TMEM108: variants seen among roughly 807,000 people sequenced by gnomAD.
The protein encoded by TMEM108 is cancer/testis antigen 124.
TMEM108 carries 12 observed loss-of-function variants against 35.1 expected under a neutral mutation model. The ratio of observed to expected loss-of-function variants is 0.34; its 90% CI spans 0.22 to 0.55. The LOEUF (loss-of-function observed/expected upper bound fraction) is 0.55. Among genes scored for constraint, TMEM108 ranks in the 20% least tolerant of loss-of-function variants. TMEM108 has a pLI of 0.89. For missense variants in TMEM108, 680 were observed against 753.3 expected (o/e 0.90, Z 1.14); for synonymous variants, 287 against 308.6 (o/e 0.93, Z 0.73).
At chr3:133,305,710 A>G (rs2071024594) in intron 3 of TMEM108, among the ~76,000 whole-genome samples, 2 of 152,056 alleles carry the variant, frequency 1.3e-5, no homozygotes, top group South Asian at 2.1e-4. Flanking sequence ...CCCATCAGCA[A>G]TATATAAATA....
At chr3:133,283,298 T>G (rs1342313830) in intron 3 of TMEM108, among the ~76,000 whole-genome samples, 1 of 152,186 alleles carries the variant, frequency 6.6e-6, no homozygotes, top group East Asian at 1.9e-4. Context: ...TGTGGTAATC[T>G]TTCTGATTAT....
At chr3:133,310,465 T>C (rs2071110238) in intron 3 of TMEM108, among the ~76,000 whole-genome samples, 1 of 151,942 alleles carries the variant, frequency 6.6e-6, no homozygotes, top group African/African-American at 2.4e-5. Context: ...AATGGCCTTC[T>C]TTGTCTCTTT....
In TMEM108 at chr3:133,219,913, G is replaced by A. The variant is rs1316958463; in HGVS notation, c.-46-9353G>A. Among the ~76,000 whole-genome samples the A allele has an allele frequency of 2.6e-5, 4 of 152,056 alleles. No homozygotes were observed. In the East Asian group the frequency reaches 7.7e-4, roughly 29 times the overall value. On this transcript the variant is annotated intron_variant, in intron 2 of 5. Transcript: ENST00000321871. ...TGGATATCCATCCATTGTTGAAAGT[G>A]GAGCCTTGAAGTCCCCTGCTATTAT... is the stretch of plus-strand genomic sequence containing the variant.
intron 2 of TMEM108, among the ~76,000 whole-genome samples, chr3:133,187,066 C>T (rs1229540964): frequency 6.6e-6 from 1 of 152,156 alleles, no homozygotes; most frequent in Non-Finnish European, 1.5e-5. Context: ...ACAGTTGTAA[C>T]ATTCTTTTAT....
intron 2 of TMEM108, among the ~76,000 whole-genome samples, chr3:133,082,708 G>A (rs1472555779): frequency 6.6e-6 from 1 of 152,122 alleles, no homozygotes; most frequent in Non-Finnish European, 1.5e-5. Flanking sequence ...CTGGAGTACA[G>A]TGGTGTAATC....
chr3:133,107,838 G>A (rs1333638550), intron 2 of TMEM108, among the ~76,000 whole-genome samples: 1 of 152,128 alleles, frequency 6.6e-6, no homozygotes, highest in African/African-American at 2.4e-5. Flanking sequence ...TTCCTTTTAA[G>A]TAGATTTCCT....
intron 1 of TMEM108, among the ~76,000 whole-genome samples, chr3:133,045,423 T>C (rs1419025783): frequency 1.3e-5 from 2 of 152,316 alleles, no homozygotes; most frequent in Admixed American, 6.5e-5. Context: ...TTCTTCATGA[T>C]TGGGCTGAAG....
At chr3:133,318,709 A>G (rs2071227819) in intron 3 of TMEM108, among the ~76,000 whole-genome samples, 1 of 152,202 alleles carries the variant, frequency 6.6e-6, no homozygotes, top group African/African-American at 2.4e-5. Flanking sequence ...GGAAAATAAC[A>G]TATAGATTAA....
chr3:133,308,217 T>C (rs913433370), intron 3 of TMEM108, among the ~76,000 whole-genome samples: 53 of 152,190 alleles, frequency 3.5e-4, no homozygotes, highest in Non-Finnish European at 1.3e-4. Context: ...TTTTGTATCC[T>C]GAGACTTTGC....
intron 2 of TMEM108, among the ~76,000 whole-genome samples, chr3:133,174,782 A>G (rs1276738556): frequency 2.0e-5 from 3 of 152,216 alleles, no homozygotes; most frequent in Non-Finnish European, 4.4e-5. Context: ...CTCTCCTCCA[A>G]AGGAACGCAG....
chr3:133,089,004 A>G (rs766377938), intron 2 of TMEM108, among the ~76,000 whole-genome samples: 4 of 152,194 alleles, frequency 2.6e-5, no homozygotes, highest in Non-Finnish European at 5.9e-5. Context: ...GCTTCCAATC[A>G]TGGCAGAAAG....
At chr3:133,266,199 T>G (rs147675899) in intron 3 of TMEM108, among the ~76,000 whole-genome samples, 1 of 152,244 alleles carries the variant, frequency 6.6e-6, no homozygotes, top group Non-Finnish European at 1.5e-5. Flanking sequence ...TTAGGTTTTT[T>G]TTGTTGCTGT....
chr3:133,171,083 A>T (rs536890934), intron 2 of TMEM108, among the ~76,000 whole-genome samples: 1 of 152,192 alleles, frequency 6.6e-6, no homozygotes, highest in Non-Finnish European at 1.5e-5. Context: ...GGTTCCACCT[A>T]ACTTCTCTCT....
chr3:133,393,498 T>A (rs2073263583), intron 5 of TMEM108, among the ~76,000 whole-genome samples: 1 of 152,202 alleles, frequency 6.6e-6, no homozygotes, highest in African/African-American at 2.4e-5. Flanking sequence ...GAACTATAAA[T>A]GTTGTTCACC....
intron 3 of TMEM108, among the ~76,000 whole-genome samples, chr3:133,249,228 A>G (rs761378752): frequency 6.6e-6 from 1 of 152,252 alleles, no homozygotes; most frequent in Admixed American, 6.5e-5. Flanking sequence ...AGAGACAGTA[A>G]TGGGACAGCC....
intron 3 of TMEM108, among the ~76,000 whole-genome samples, chr3:133,261,264 T>C (rs1403404834): frequency 6.6e-6 from 1 of 152,198 alleles, no homozygotes; most frequent in Non-Finnish European, 1.5e-5. Flanking sequence ...TTATTCCTTA[T>C]GGGAATTTTC....
intron 3 of TMEM108, among the ~76,000 whole-genome samples, chr3:133,243,422 T>TTATTTTTTA (rs1559879857): frequency 6.6e-6 from 1 of 151,936 alleles, no homozygotes; most frequent in Non-Finnish European, 1.5e-5. Flanking sequence ...AAAATATAAT[T>TTATTTTTTA]CTTATTTAAA....
chr3:133,162,945 A>G (rs1251729460), intron 2 of TMEM108, among the ~76,000 whole-genome samples: 1 of 152,214 alleles, frequency 6.6e-6, no homozygotes, highest in Non-Finnish European at 1.5e-5. Context: ...AAAAGGTAAC[A>G]TGGACATAAT....
intron 3 of TMEM108, chr3:133,247,627 A>G (rs200392019): frequency 1.6e-5 from 2 of 127,364 alleles, no homozygotes; most frequent in East Asian, 4.6e-4. Context: ...ATTCACTGTT[A>G]TTCATAATAA....
Sources: gnomAD v4.1 joint callset for allele counts (sites outside exome capture counted in the v4.1 genomes callset) on GRCh38, gnomAD v4.1.1 for gene constraint, MANE v1.5 for transcripts, NCBI Gene and HGNC (gene_info 2026-07-23, HGNC 2026-07-21) for gene names.